NECAP1: variants seen among roughly 807,000 people sequenced by gnomAD.
The protein encoded by NECAP1 is NECAP endocytosis associated 1.
NECAP1 carries 13 observed loss-of-function variants against 33.4 expected under a neutral mutation model. The ratio of observed to expected loss-of-function variants is 0.39; its 90% confidence interval spans 0.25 to 0.62. NECAP1 has a LOEUF of 0.62. NECAP1 is among the 20% of genes least tolerant of loss of function. The probability of loss-of-function intolerance (pLI) is 0.52; values close to 1 mark genes in which losing one functional copy is unlikely to be tolerated. For missense variants in NECAP1, 272 were observed against 347.4 expected, an observed-to-expected ratio of 0.78 and a Z score of 1.73; for synonymous variants, 109 against 125.2, an observed-to-expected ratio of 0.87 and a Z score of 0.86.
chr12:8,082,357 G>C lies in NECAP1; in HGVS notation c.69G>C (p.Pro23=), dbSNP rs149738880. 1.2e-6 allele frequency: 2 copies of C among 1,613,478 alleles called. No individual in the cohort carries two copies. Among genetic ancestry groups the C allele is most frequent in the African/African-American group, 2.7e-5 (2 of 74,914 alleles). ...VKPDVSVYRI[P]PRASNRGYRA... The stretch of plus-strand genomic sequence containing the variant: ...CAGACGTCAGCGTCTACCGGATTCC[G>C]CCCCGGGCCTCCAACCGCGGTTACA... The change falls in exon 1 of 8, where the codon CCG becomes CCC. Residue 23 remains proline, a synonymous_variant. Coordinates refer to ENST00000339754, the MANE Select transcript of NECAP1 (RefSeq NM_015509.4).
chr12:8,087,048 C>G (rs1947498278), intron 1 of NECAP1, among the ~76,000 whole-genome samples: 1 of 151,106 alleles, frequency 6.6e-6, no homozygotes, highest in Non-Finnish European at 1.5e-5. Context: ...CTTCCCTTAG[C>G]TAAATCAATA....
intron 1 of NECAP1, chr12:8,089,489 C>G (rs1306777454): frequency 6.4e-6 from 1 of 156,052 alleles, no homozygotes; most frequent in Non-Finnish European, 1.4e-5. Flanking sequence ...CTGCCTCAGC[C>G]TCCCAAGGGA....
intron 1 of NECAP1, among the ~76,000 whole-genome samples, chr12:8,085,807 G>C (rs1021318161): frequency 1.4e-5 from 2 of 143,388 alleles, no homozygotes; most frequent in Non-Finnish European, 3.0e-5. Flanking sequence ...AGATTCAACT[G>C]ATTCTCGTGC....
chr12:8,085,686 C>CTTTTTTTTTTTTTTTTTTTT (rs554942626), intron 1 of NECAP1, among the ~76,000 whole-genome samples: 4 of 104,810 alleles, frequency 3.8e-5, no homozygotes, highest in African/African-American at 1.3e-4. Flanking sequence ...ACTTAATCTT[C>CTTTTTTTTTTTTTTTTTTTT]TTTTTTTTTT....
chr12:8,093,016 C>T lies in NECAP1; in HGVS notation c.637C>T (p.Pro213Ser), dbSNP rs775741051. Residue 213 changes from proline (P) to serine (S), a missense_variant, in exon 6 of 8, where the codon CCA (proline) becomes TCA (serine). By Grantham distance (74) the Pro-to-Ser change is moderately conservative. Coordinates refer to ENST00000339754, the MANE Select transcript of NECAP1 (RefSeq NM_015509.4). The stretch of plus-strand genomic sequence containing the variant: ...TGCCATCAGCAATCATGTCACCCCA[C>T]CACCCATTCCGAAATCTAACCATGG... ...SVAISNHVTP[P>S]PIPKSNHGGS... 8.1e-6 allele frequency: 13 copies of T among 1,614,144 alleles called. No homozygotes were observed. In the East Asian group the frequency reaches 1.8e-4, roughly 22 times the overall value.
intron 1 of NECAP1, among the ~76,000 whole-genome samples, chr12:8,083,753 TAGAG>T (rs1164504323): frequency 4.2e-5 from 6 of 144,442 alleles, no homozygotes; most frequent in African/African-American, 1.3e-4. Flanking sequence ...TTTTTTTTGT[TAGAG>T]AGGCAGGGTC....
intron 6 of NECAP1, chr12:8,093,858 T>C (rs1947571877): frequency 6.6e-6 from 1 of 152,238 alleles, no homozygotes; most frequent in African/African-American, 2.4e-5. Flanking sequence ...AGGCATTTAG[T>C]AAATGTTATT....
chr12:8,091,885 T>C, intron 4 of NECAP1, 35 bp downstream of exon 4: 10 of 1,562,310 alleles, frequency 6.4e-6, no homozygotes, highest in Non-Finnish European at 8.8e-6. Flanking sequence ...CGAGGCTGAA[T>C]GCTTATAGGA....
In NECAP1 at chr12:8,092,753, A is replaced by C; in HGVS notation, c.461A>C (p.Lys154Thr). The C allele has an allele frequency of 6.2e-7, 1 of 1,613,982 alleles. No individual in the cohort carries two copies. The highest frequency in any genetic ancestry group is 8.5e-7 in the Non-Finnish European group (1 of 1,179,858). Residue 154 changes from lysine to threonine, a missense_variant, in exon 5 of 8, where the codon AAG becomes ACG. Coordinates refer to ENST00000339754, the MANE Select transcript of NECAP1 (RefSeq NM_015509.4). The part of the protein sequence containing the change: ...DARPKLDLGF[K>T]EGQTIKLCIG... The stretch of plus-strand genomic sequence containing the variant: ...CGTCCTAAGTTGGATCTGGGCTTCA[A>C]GGAAGGACAAACCATCAAGTTGTGT...
At chr12:8,093,137 T>G (rs933873485) in intron 6 of NECAP1, 82 bp downstream of exon 6, 4 of 1,411,974 alleles carry the variant, frequency 2.8e-6, no homozygotes, top group African/African-American at 1.4e-5. Context: ...AGAGTTAATG[T>G]TTTTGCTATG....
At chr12:8,082,461 G>A in intron 1 of NECAP1, 78 bp downstream of exon 1, 3 of 1,323,952 alleles carry the variant, frequency 2.3e-6, no homozygotes, top group Non-Finnish European at 3.2e-6. Flanking sequence ...CACGCTGTCC[G>A]TCCCTGCCAC....
intron 7 of NECAP1, 155 bp downstream of exon 7, chr12:8,095,858 TG>T: frequency 2.8e-6 from 3 of 1,070,164 alleles, no homozygotes; most frequent in Admixed American, 2.3e-5. Flanking sequence ...GTGCTGGGAA[TG>T]GGGGGACAAA....
intron 1 of NECAP1, among the ~76,000 whole-genome samples, chr12:8,084,146 G>T (rs976853978): frequency 6.6e-6 from 1 of 152,096 alleles, no homozygotes; most frequent in Non-Finnish European, 1.5e-5. Context: ...CCTTATGTCT[G>T]TTATTTTGCC....
intron 7 of NECAP1, 111 bp downstream of exon 7, chr12:8,095,814 C>A: frequency 8.2e-7 from 1 of 1,219,714 alleles, no homozygotes; most frequent in Non-Finnish European, 1.2e-6. Flanking sequence ...CACATAGAGT[C>A]TTTTGGAAGA....
chr12:8,093,305 G>T (rs1355772488), intron 6 of NECAP1: 3 of 465,798 alleles, frequency 6.4e-6, no homozygotes, highest in Non-Finnish European at 1.1e-5. Context: ...TTGGTTAGAT[G>T]CTTATAAGCT....
intron 3 of NECAP1, chr12:8,091,318 C>T (rs1380419096): frequency 6.2e-6 from 1 of 160,198 alleles, no homozygotes; most frequent in Non-Finnish European, 1.4e-5. Flanking sequence ...GATTCAAGTG[C>T]ATCACATTTA....
intron 3 of NECAP1, chr12:8,091,556 T>A: frequency 1.8e-6 from 1 of 562,220 alleles, no homozygotes; most frequent in Non-Finnish European, 3.2e-6. Context: ...TCTGAGAATC[T>A]AATGCTGCCA....
chr12:8,088,228 C>T (rs1224050827), intron 1 of NECAP1, among the ~76,000 whole-genome samples: 1 of 152,050 alleles, frequency 6.6e-6, no homozygotes, highest in Non-Finnish European at 1.5e-5. Flanking sequence ...ATATATTTTA[C>T]TGCCTACTCT....
intron 6 of NECAP1, chr12:8,095,212 A>G (rs1947583421): frequency 5.8e-6 from 1 of 173,092 alleles, no homozygotes; most frequent in Non-Finnish European, 1.2e-5. Context: ...ATTTTTGTGC[A>G]AACATAAATT....
Sources: allele counts gnomAD v4.1 joint callset (sites outside exome capture counted in the v4.1 genomes callset), GRCh38; gene constraint gnomAD v4.1.1; transcripts MANE v1.5; gene names NCBI Gene and HGNC (gene_info 2026-07-23, HGNC 2026-07-21).